PIGL: variants seen among roughly 807,000 people sequenced by gnomAD.
PIGL encodes N-acetylglucosaminyl-phosphatidylinositol de-N-acetylase.
In PIGL, 22 loss-of-function variants were observed where a neutral mutation model predicts 31.1. That is an observed-to-expected ratio of 0.71 (90% CI 0.51 to 1.01). The LOEUF (loss-of-function observed/expected upper bound fraction) is 1.01. Ranked by LOEUF, PIGL falls within the 50% of genes least tolerant of loss-of-function variation. The probability of loss-of-function intolerance (pLI) is 0.00; values close to 1 mark genes in which losing one functional copy is unlikely to be tolerated. For synonymous variants in PIGL, 131 were observed against 117.4 expected, an observed-to-expected ratio of 1.12 and a Z score of -0.75; for missense variants, 302 against 315.9, an observed-to-expected ratio of 0.96 and a Z score of 0.33.
At chr17:16,220,142 G>A (rs1281900469) in intron 1 of PIGL, among the ~76,000 whole-genome samples, 3 of 151,990 alleles carry the variant, frequency 2.0e-5, no homozygotes, top group Non-Finnish European at 2.9e-5. Flanking sequence ...GAGGTCAAGA[G>A]ATCAAAACCA....
chr17:16,263,275 C>CT (rs1160945832), intron 2 of PIGL, among the ~76,000 whole-genome samples: 1 of 150,872 alleles, frequency 6.6e-6, no homozygotes, highest in Non-Finnish European at 1.5e-5. Context: ...AACTCCTGGG[C>CT]TAAAGTGATC....
rs374633545 is a variant in PIGL, at chr17:16,317,754, C to T, written c.527-21C>T. On this transcript the variant is annotated intron_variant, in intron 5 of 6. Coordinates refer to ENST00000225609, the MANE Select transcript of PIGL (RefSeq NM_004278.4). ...GGAGGCCTCAAGGCTTATCACTTCA[C>T]CCTGTCTCCTCTCCATCCAGGGTGC... is the stretch of plus-strand genomic sequence containing the variant. 8 of 1,613,250 alleles carry T rather than the reference C, an allele frequency of 5.0e-6. No homozygotes were observed. In the African/African-American group the frequency reaches 8.0e-5, roughly 16 times the overall value.
At chr17:16,256,202 A>G (rs1461756267) in intron 2 of PIGL, among the ~76,000 whole-genome samples, 2 of 152,242 alleles carry the variant, frequency 1.3e-5, no homozygotes, top group Non-Finnish European at 2.9e-5. Flanking sequence ...AACTGGTAGC[A>G]ACTGAAACAT....
chr17:16,312,980 A>G (rs968231462), intron 3 of PIGL, among the ~76,000 whole-genome samples: 5 of 151,264 alleles, frequency 3.3e-5, no homozygotes, highest in African/African-American at 4.9e-5. Context: ...TCTTTAATTC[A>G]TTTGTGTAGA....
chr17:16,242,015 T>C (rs1466426283), intron 2 of PIGL, among the ~76,000 whole-genome samples: 1 of 152,170 alleles, frequency 6.6e-6, no homozygotes, highest in Non-Finnish European at 1.5e-5. Context: ...AATTTCTAGA[T>C]ATTGAATTAC....
chr17:16,315,449 T>G (rs546999250), intron 4 of PIGL, among the ~76,000 whole-genome samples: 19 of 152,198 alleles, frequency 1.2e-4, no homozygotes, highest in Non-Finnish European at 2.5e-4. Flanking sequence ...CTTCTCATTC[T>G]CTTCCCGGCT....
At chr17:16,288,582 C>T (rs747086675) in intron 2 of PIGL, among the ~76,000 whole-genome samples, 5 of 151,372 alleles carry the variant, frequency 3.3e-5, no homozygotes, top group Non-Finnish European at 5.9e-5. Flanking sequence ...TCTTGTTGCC[C>T]AGGCTGGAGT....
intron 1 of PIGL, among the ~76,000 whole-genome samples, chr17:16,226,020 A>C (rs1199847427): frequency 6.6e-6 from 1 of 151,120 alleles, no homozygotes; most frequent in Non-Finnish European, 1.5e-5. Context: ...AAAAAAAAAA[A>C]GTTAGCCAGG....
intron 2 of PIGL, among the ~76,000 whole-genome samples, chr17:16,286,741 G>A (rs1226731480): frequency 6.6e-6 from 1 of 152,116 alleles, no homozygotes; most frequent in Non-Finnish European, 1.5e-5. Context: ...TTCTTCTGTT[G>A]TGTTCTTAGC....
At chr17:16,258,874 G>A (rs1369061165) in intron 2 of PIGL, among the ~76,000 whole-genome samples, 1 of 152,020 alleles carries the variant, frequency 6.6e-6, no homozygotes, top group Non-Finnish European at 1.5e-5. Context: ...AATTGTACTG[G>A]GACCAAAAAC....
chr17:16,313,529 C>T lies in PIGL; in HGVS notation c.427-18C>T, dbSNP rs757919627. On this transcript the variant is annotated intron_variant, in intron 3 of 6. Coordinates refer to ENST00000225609, the MANE Select transcript of PIGL (RefSeq NM_004278.4). ...TGGTGGAGAAGGCATTCAGTGAAAA[C>T]CCTGTGTTTCTCTACAGGTGGTGAC... 19 of 1,598,598 alleles carry T rather than the reference C, an allele frequency of 1.2e-5. No individual in the cohort carries two copies. In the South Asian group the frequency reaches 2.1e-4, roughly 18 times the overall value.
chr17:16,265,482 C>G (rs1347237495), intron 2 of PIGL, among the ~76,000 whole-genome samples: 1 of 152,104 alleles, frequency 6.6e-6, no homozygotes, highest in Non-Finnish European at 1.5e-5. Context: ...GTGGCTCATG[C>G]CTGTAATCCC....
At chr17:16,235,752 C>CTTTT (rs35285920) in intron 2 of PIGL, among the ~76,000 whole-genome samples, 2 of 111,518 alleles carry the variant, frequency 1.8e-5, no homozygotes, top group African/African-American at 3.4e-5. Context: ...TGTGTCCGGT[C>CTTTT]TTTTTTTTTT....
intron 3 of PIGL, among the ~76,000 whole-genome samples, chr17:16,308,620 C>T (rs1447166327): frequency 2.0e-5 from 3 of 152,224 alleles, no homozygotes; most frequent in Non-Finnish European, 2.9e-5. Context: ...TGCCTGTAAT[C>T]CCAGCATTTT....
chr17:16,229,885 C>T (rs1315565133), intron 1 of PIGL, among the ~76,000 whole-genome samples: 2 of 60,730 alleles, frequency 3.3e-5, no homozygotes, highest in South Asian at 4.8e-4. Flanking sequence ...TTTTTTGAGA[C>T]GGAGTCTCGC....
intron 2 of PIGL, among the ~76,000 whole-genome samples, chr17:16,257,880 C>T (rs1427828906): frequency 6.6e-6 from 1 of 151,890 alleles, no homozygotes; most frequent in Non-Finnish European, 1.5e-5. Context: ...GCCTGGCCAA[C>T]ATGGTGAAAC....
chr17:16,274,108 C>T (rs2092883579), intron 2 of PIGL, among the ~76,000 whole-genome samples: 1 of 152,156 alleles, frequency 6.6e-6, no homozygotes, highest in African/African-American at 2.4e-5. Flanking sequence ...TTAAAGTGCT[C>T]TGAAGCTAAC....
chr17:16,228,302 C>T (rs1195988420), intron 1 of PIGL, among the ~76,000 whole-genome samples: 1 of 151,994 alleles, frequency 6.6e-6, no homozygotes, highest in African/African-American at 2.4e-5. Context: ...AGGTGATCCA[C>T]CTTCCTCGGC....
At chr17:16,239,460 G>GT (rs1222791431) in intron 2 of PIGL, among the ~76,000 whole-genome samples, 1 of 151,690 alleles carries the variant, frequency 6.6e-6, no homozygotes, top group Non-Finnish European at 1.5e-5. Context: ...TCCAGCCTGG[G>GT]TGACAGAGTG....
Sources: allele counts gnomAD v4.1 joint callset (sites outside exome capture counted in the v4.1 genomes callset), GRCh38; gene constraint gnomAD v4.1.1; transcripts MANE v1.5; gene names NCBI Gene and HGNC (gene_info 2026-07-23, HGNC 2026-07-21).